CHRDL1: variants seen among roughly 807,000 people sequenced by gnomAD.
The protein encoded by CHRDL1 is chordin-like protein 1.
CHRDL1 carries 19 observed loss-of-function variants against 40.9 expected under a neutral mutation model. The observed-to-expected ratio is 0.46, with a 90% confidence interval of 0.32 to 0.68. The LOEUF (loss-of-function observed/expected upper bound fraction) is 0.68, where lower values mean the gene tolerates loss of function less well. Among genes scored for constraint, CHRDL1 ranks in the 30% least tolerant of loss-of-function variants. The probability of loss-of-function intolerance (pLI) is 0.03; values close to 1 mark genes in which losing one functional copy is unlikely to be tolerated. For missense variants in CHRDL1, 329 were observed against 352.1 expected (o/e 0.93, Z 0.53); for synonymous variants, 136 against 123.4 (o/e 1.10, Z -0.68).
chrX:110,678,256 G>A (rs756094999), intron 11 of CHRDL1, among the ~76,000 whole-genome samples: 1 of 111,820 alleles, frequency 8.9e-6, no homozygotes, highest in African/African-American at 3.3e-5. Flanking sequence ...TGTAATATAT[G>A]CATCTGATAG....
rs1215895341 is a variant in CHRDL1, at chrX:110,694,435, A to T, written c.610-104T>A. 7 of 575,281 alleles carry T rather than the reference A, an allele frequency of 1.2e-5. No individual in the cohort carries two copies. In the Admixed American group the frequency reaches 2.6e-4, roughly 21 times the overall value. 47.4% of individuals were successfully genotyped at this position (575,281 alleles called of 1,213,427 possible). A position where few individuals can be genotyped will look rare whatever the true frequency, so the allele number is the denominator to read the frequency against. On this transcript the variant is annotated intron_variant, in intron 7 of 11. Coordinates refer to ENST00000372042, the MANE Select transcript of CHRDL1 (RefSeq NM_001143981.2). Reference sequence around the variant, plus strand: ...TCAATAATTTTGATTTATAGTGGTGAGCTCTGATTTCAGCTGCATGCTTAC... The same window carrying T: ...TCAATAATTTTGATTTATAGTGGTGTGCTCTGATTTCAGCTGCATGCTTAC...
rs1422663970 is a variant in CHRDL1, at chrX:110,689,063, T to TATACATATATATAA, written c.779-261_779-260insTTATATATATGTAT. Among the ~76,000 whole-genome samples, 3 of 14,927 alleles carry TATACATATATATAA rather than the reference T, an allele frequency of 2.0e-4. No homozygotes were observed. In the African/African-American group the frequency reaches 3.8e-3, roughly 19 times the overall value. 13.0% of individuals were successfully genotyped at this position (14,927 alleles called of 115,157 possible). On this transcript the variant is annotated intron_variant, in intron 8 of 11. Transcript: ENST00000372042. ...TCAGACATAGTAGGCAGTCCATAAA[T>TATACATATATATAA]ATATATATGTATATATATATATATA...
intron 6 of CHRDL1, among the ~76,000 whole-genome samples, chrX:110,714,431 T>C (rs189243695): frequency 2.5e-4 from 28 of 112,041 alleles, no homozygotes; most frequent in African/African-American, 9.1e-4. Flanking sequence ...AATGAGAGCA[T>C]GTCTTTTGCA....
rs1336725237 is a variant in CHRDL1, at chrX:110,791,947, C to G, written c.94+141G>C. The G allele has an allele frequency of 6.9e-6, 3 of 436,098 alleles. No individual in the cohort carries two copies. In the East Asian group the frequency reaches 1.2e-4, roughly 18 times the overall value. The allele number at this position is 436,098 out of a possible 1,213,427, so 35.9% of individuals were successfully genotyped here. A position where few individuals can be genotyped will look rare whatever the true frequency, so the allele number is the denominator to read the frequency against. ...GCTCTCATTCTTTTATCAATTCATG[C>G]ATAAACCAGTAACATTCACTTTCTT... On this transcript the variant is annotated intron_variant, in intron 2 of 11. Transcript: ENST00000372042.
chrX:110,773,869 G>A (rs1055105613), intron 2 of CHRDL1, among the ~76,000 whole-genome samples: 1 of 110,665 alleles, frequency 9.0e-6, no homozygotes, highest in African/African-American at 3.3e-5. Context: ...TTGTTGGATG[G>A]AGTATTCTAC....
At position 110,764,636 on chromosome X, in the gene CHRDL1, C is replaced by T. The variant is rs139816604; in HGVS notation, c.95-1829G>A. On this transcript the variant is annotated intron_variant, in intron 2 of 11. Transcript: ENST00000372042. ...AGCAATTTTAGGGAACAAGGGAAGA[C>T]GACCATAATGTCTGACTGCCTGTAG... 2.4e-4 allele frequency among the ~76,000 whole-genome samples: 27 copies of T among 111,656 alleles called. No homozygotes were observed. The East Asian group carries it at 4.2e-3, about 17-fold the overall frequency.
chrX:110,717,391 C>G, intron 6 of CHRDL1, among the ~76,000 whole-genome samples: 1 of 111,937 alleles, frequency 8.9e-6, no homozygotes, highest in Non-Finnish European at 1.9e-5. Flanking sequence ...AGAATATTGA[C>G]CTATAAAGGT....
chrX:110,714,567 A>T (rs1371303288), intron 6 of CHRDL1, among the ~76,000 whole-genome samples: 1 of 111,044 alleles, frequency 9.0e-6, no homozygotes, highest in Admixed American at 9.6e-5. Context: ...TCCAGTCCTA[A>T]TGAGGTTTGC....
chrX:110,701,466 CA>C (rs2070512006), intron 6 of CHRDL1, among the ~76,000 whole-genome samples: 1 of 111,329 alleles, frequency 9.0e-6, no homozygotes, highest in Non-Finnish European at 1.9e-5. Flanking sequence ...ACCAGAAACA[CA>C]AAAAAGTGTA....
intron 2 of CHRDL1, among the ~76,000 whole-genome samples, chrX:110,781,958 A>G (rs2089951562): frequency 8.9e-6 from 1 of 111,927 alleles, no homozygotes; most frequent in Admixed American, 9.5e-5. Flanking sequence ...CAACTAACTG[A>G]TTTCAGCCAA....
chrX:110,768,330 A>T (rs1414029772), intron 2 of CHRDL1, among the ~76,000 whole-genome samples: 1 of 112,067 alleles, frequency 8.9e-6, no homozygotes, highest in African/African-American at 3.2e-5. Context: ...AACTTACAGA[A>T]TTCTTGCTTA....
intron 2 of CHRDL1, among the ~76,000 whole-genome samples, chrX:110,789,903 C>A (rs755419512): frequency 9.0e-6 from 1 of 111,632 alleles, no homozygotes; most frequent in Admixed American, 9.5e-5. Flanking sequence ...AGTTAACAAG[C>A]ATTTCCCAGG....
intron 4 of CHRDL1, among the ~76,000 whole-genome samples, chrX:110,741,415 T>C (rs1401557539): frequency 9.0e-6 from 1 of 111,540 alleles, no homozygotes; most frequent in African/African-American, 3.3e-5. Flanking sequence ...AATGATTCAC[T>C]GCCTGGAGAG....
intron 6 of CHRDL1, among the ~76,000 whole-genome samples, chrX:110,704,263 A>G (rs1361617525): frequency 9.0e-6 from 1 of 111,511 alleles, no homozygotes; most frequent in Non-Finnish European, 1.9e-5. Context: ...CCTATTATGT[A>G]CCCACACAAT....
chrX:110,746,721 G>A, intron 4 of CHRDL1, among the ~76,000 whole-genome samples: 1 of 111,310 alleles, frequency 9.0e-6, no homozygotes. Context: ...GGGATCTAGA[G>A]GAACACGTAC....
In CHRDL1 at chrX:110,740,287, T is replaced by C. The variant is rs769133277; in HGVS notation, c.302-18757A>G. 6.2e-5 allele frequency among the ~76,000 whole-genome samples: 7 copies of C among 112,710 alleles called. No homozygotes were observed. The East Asian group carries it at 2.0e-3, about 31-fold the overall frequency. On this transcript the variant is annotated intron_variant, in intron 4 of 11. Coordinates refer to ENST00000372042, the MANE Select transcript of CHRDL1 (RefSeq NM_001143981.2). ...CCATCAATATTCAAATTCTCCTCCT[T>C]CCAGGCACATGGTAGTATTGCATTT...
chrX:110,773,295 A>G (rs2089789570), intron 2 of CHRDL1, among the ~76,000 whole-genome samples: 1 of 111,914 alleles, frequency 8.9e-6, no homozygotes, highest in African/African-American at 3.2e-5. Context: ...CTTTTAGCTC[A>G]AAATATTTTA....
At chrX:110,722,378 G>A (rs1462555023) in intron 4 of CHRDL1, among the ~76,000 whole-genome samples, 6 of 108,001 alleles carry the variant, frequency 5.6e-5, no homozygotes, top group South Asian at 4.2e-4. Context: ...TCCCTCCACC[G>A]AGACTGCCCA....
At chrX:110,701,854 T>C (rs1444893574) in intron 6 of CHRDL1, among the ~76,000 whole-genome samples, 1 of 111,263 alleles carries the variant, frequency 9.0e-6, no homozygotes, top group Non-Finnish European at 1.9e-5. Flanking sequence ...AGTTCAAGCA[T>C]GTAGTAGTAG....
Sources: gnomAD v4.1 joint callset for allele counts (sites outside exome capture counted in the v4.1 genomes callset) on GRCh38, gnomAD v4.1.1 for gene constraint, MANE v1.5 for transcripts, NCBI Gene and HGNC (gene_info 2026-07-23, HGNC 2026-07-21) for gene names.